TAFA2: variants seen among roughly 807,000 people sequenced by gnomAD.
The protein encoded by TAFA2 is TAFA chemokine like family member 2.
TAFA2 carries 7 observed loss-of-function variants against 18.8 expected under a neutral mutation model. The ratio of observed to expected loss-of-function variants is 0.37; its 90% CI spans 0.21 to 0.70. The LOEUF is 0.70. Ranked by LOEUF, TAFA2 falls within the 30% of genes least tolerant of loss-of-function variation. TAFA2 has a pLI of 0.53. For synonymous variants in TAFA2, 60 were observed against 54.2 expected, an observed-to-expected ratio of 1.11 and a Z score of -0.47; for missense variants, 122 against 158.1, an observed-to-expected ratio of 0.77 and a Z score of 1.23.
rs538067685 is a variant in TAFA2 at position 61,928,130 on chromosome 12, T to C, written c.-1-60704A>G. On this transcript the variant is annotated intron_variant, in intron 1 of 4. Coordinates refer to ENST00000416284, the MANE Select transcript of TAFA2 (RefSeq NM_178539.5). ...AGACTTCATGACTAAAACATCAAAA[T>C]CAATGGCAACGAAGCCAAAATTGAC... Among the ~76,000 whole-genome samples the C allele has an allele frequency of 1.2e-4, 18 of 152,154 alleles. No homozygotes were observed. In the South Asian group the frequency reaches 2.9e-3, roughly 25 times the overall value.
intron 1 of TAFA2, among the ~76,000 whole-genome samples, chr12:62,182,808 T>A (rs1423084018): frequency 6.6e-6 from 1 of 152,226 alleles, no homozygotes; most frequent in East Asian, 1.9e-4. Context: ...TCACAATCCA[T>A]TTCAACTCAA....
intron 1 of TAFA2, among the ~76,000 whole-genome samples, chr12:62,124,382 A>C (rs1390880085): frequency 6.6e-6 from 1 of 152,158 alleles, no homozygotes. Flanking sequence ...TATATTAGCC[A>C]ACCCAAGAGT....
chr12:62,203,351 G>A (rs1425775508), intron 1 of TAFA2, among the ~76,000 whole-genome samples: 1 of 152,202 alleles, frequency 6.6e-6, no homozygotes, highest in East Asian at 1.9e-4. Flanking sequence ...TATTTATCAG[G>A]TCCACTTGAT....
At chr12:61,833,661 C>T (rs1001882041) in intron 2 of TAFA2, among the ~76,000 whole-genome samples, 3 of 151,850 alleles carry the variant, frequency 2.0e-5, no homozygotes, top group South Asian at 2.1e-4. Flanking sequence ...GGAACATGAT[C>T]GTTTTTCTGT....
chr12:61,883,990 G>A (rs1030768728), intron 1 of TAFA2, among the ~76,000 whole-genome samples: 3 of 152,234 alleles, frequency 2.0e-5, no homozygotes, highest in Middle Eastern at 6.8e-3. Context: ...CTCAATAAAT[G>A]TTGAACCCTG....
chr12:62,162,312 C>T (rs2062412109), intron 1 of TAFA2, among the ~76,000 whole-genome samples: 1 of 152,178 alleles, frequency 6.6e-6, no homozygotes, highest in Non-Finnish European at 1.5e-5. Context: ...TTAGCTAACA[C>T]TGATGGTAGC....
chr12:61,843,092 T>G (rs534578603), intron 2 of TAFA2, among the ~76,000 whole-genome samples: 1 of 151,944 alleles, frequency 6.6e-6, no homozygotes, highest in East Asian at 1.9e-4. Flanking sequence ...TCTCAGAAAA[T>G]GTTCAGTAGG....
chr12:61,950,682 A>G (rs1269200320), intron 1 of TAFA2, among the ~76,000 whole-genome samples: 1 of 152,060 alleles, frequency 6.6e-6, no homozygotes, highest in Non-Finnish European at 1.5e-5. Context: ...TCAGATATAT[A>G]ATTTGTTCTG....
intron 1 of TAFA2, among the ~76,000 whole-genome samples, chr12:62,184,374 A>C (rs889193825): frequency 6.6e-6 from 1 of 151,904 alleles, no homozygotes; most frequent in Non-Finnish European, 1.5e-5. Flanking sequence ...GCCAGAAACT[A>C]TCTGCTAGAT....
At chr12:61,837,900 T>C (rs753602024) in intron 2 of TAFA2, among the ~76,000 whole-genome samples, 41 of 151,996 alleles carry the variant, frequency 2.7e-4, no homozygotes, top group Admixed American at 2.6e-4. Context: ...CACTGAAGGA[T>C]GGGAAATAAT....
At chr12:61,755,171 A>G (rs1040690849) in intron 2 of TAFA2, 147 bp from the exon 3 acceptor site, 7 of 663,808 alleles carry the variant, frequency 1.1e-5, no homozygotes, top group Non-Finnish European at 1.7e-5. Context: ...TAACTCCATA[A>G]TGCAGATTTG....
intron 4 of TAFA2, among the ~76,000 whole-genome samples, chr12:61,748,292 C>G (rs1868831277): frequency 1.3e-5 from 2 of 152,000 alleles, no homozygotes; most frequent in African/African-American, 4.8e-5. Flanking sequence ...CTGTGAGTTG[C>G]ATTAAAATAA....
intron 1 of TAFA2, among the ~76,000 whole-genome samples, chr12:61,883,050 T>A (rs1214682589): frequency 6.6e-6 from 1 of 152,182 alleles, no homozygotes; most frequent in Non-Finnish European, 1.5e-5. Flanking sequence ...AAACATCTAC[T>A]GTTACTTTAA....
At chr12:62,107,197 G>A (rs757757079) in intron 1 of TAFA2, among the ~76,000 whole-genome samples, 5 of 98,674 alleles carry the variant, frequency 5.1e-5, no homozygotes, top group Admixed American at 3.8e-4. Context: ...CCACCCACCC[G>A]CCCCCCAACC....
At chr12:62,011,618 C>T (rs1416353956) in intron 1 of TAFA2, among the ~76,000 whole-genome samples, 1 of 151,940 alleles carries the variant, frequency 6.6e-6, no homozygotes, top group Non-Finnish European at 1.5e-5. Flanking sequence ...TGTGGAAGGC[C>T]GCAGGGACCT....
intron 2 of TAFA2, among the ~76,000 whole-genome samples, chr12:61,833,983 C>T (rs531840361): frequency 2.0e-5 from 3 of 152,098 alleles, no homozygotes; most frequent in African/African-American, 7.2e-5. Context: ...ATGGTTCAAG[C>T]CAAGGTTGGT....
At chr12:61,989,209 A>G (rs529929962) in intron 1 of TAFA2, among the ~76,000 whole-genome samples, 23 of 152,236 alleles carry the variant, frequency 1.5e-4, no homozygotes, top group Admixed American at 8.5e-4. Flanking sequence ...AGCAGCATGG[A>G]ATTCTAAAAT....
At chr12:61,868,519 C>T (rs1874452471) in intron 1 of TAFA2, among the ~76,000 whole-genome samples, 1 of 152,136 alleles carries the variant, frequency 6.6e-6, no homozygotes, top group Non-Finnish European at 1.5e-5. Context: ...CCTGGGGTCA[C>T]TTCCTGATGT....
At chr12:61,990,240 T>G (rs1879955587) in intron 1 of TAFA2, among the ~76,000 whole-genome samples, 1 of 152,152 alleles carries the variant, frequency 6.6e-6, no homozygotes, top group South Asian at 2.1e-4. Context: ...TACTGTTCTG[T>G]TCTTCCAAAC....
Sources: gnomAD v4.1 joint callset for allele counts (sites outside exome capture counted in the v4.1 genomes callset) on GRCh38, gnomAD v4.1.1 for gene constraint, MANE v1.5 for transcripts, NCBI Gene and HGNC (gene_info 2026-07-23, HGNC 2026-07-21) for gene names.